Variants in INSL6 observed in about 807,000 individuals in gnomAD.
INSL6 encodes the protein insulin like 6.
Under a neutral mutation model 9.4 loss-of-function variants are expected in INSL6, and 16 were observed. The observed-to-expected ratio is 1.70, with a 90% CI of 1.15 to 2.59. INSL6 has a LOEUF of 2.59. Ranked by LOEUF, INSL6 falls within the 30% of genes most tolerant of loss-of-function variation. The pLI is 0.00. For synonymous variants in INSL6, 154 were observed against 96.9 expected (o/e 1.59, Z -3.46); for missense variants, 391 against 257.3 (o/e 1.52, Z -3.56).
At chr9:5,004,676 C>T in the INSL6 span, among the ~76,000 whole-genome samples, 1 of 151,938 alleles carries the variant, frequency 6.6e-6, no homozygotes, top group Non-Finnish European at 1.5e-5. Flanking sequence ...TATGGTAGTT[C>T]CATTTTAATT....
chr9:5,132,531 G>C (rs1030797976), intron 3 of INSL6, among the ~76,000 whole-genome samples: 2 of 148,906 alleles, frequency 1.3e-5, no homozygotes, highest in Admixed American at 1.3e-4. Context: ...CAGATTCTTA[G>C]TAAAACATTT....
the INSL6 span, among the ~76,000 whole-genome samples, chr9:5,060,277 C>G: frequency 6.6e-6 from 1 of 152,002 alleles, no homozygotes; most frequent in African/African-American, 2.4e-5. Context: ...TTGGGTTGGC[C>G]AAAGCAATTT....
chr9:5,142,825 G>A (rs1049592515), intron 2 of INSL6, among the ~76,000 whole-genome samples: 2 of 152,076 alleles, frequency 1.3e-5, no homozygotes, highest in Non-Finnish European at 2.9e-5. Flanking sequence ...GTATGATATT[G>A]GCTGTGGGCT....
At chr9:5,126,468 A>T in intron 3 of INSL6, 1 of 1,481,144 alleles carries the variant, frequency 6.8e-7, no homozygotes, top group Non-Finnish European at 9.4e-7. Flanking sequence ...TTTTTAATCC[A>T]GGGTAGTCAT....
At chr9:5,166,179 CAG>C (rs758039986) in intron 1 of INSL6, among the ~76,000 whole-genome samples, 131 of 152,246 alleles carry the variant, frequency 8.6e-4, no homozygotes, top group African/African-American at 3.1e-3. Flanking sequence ...AAAAGATTCA[CAG>C]AGAGAGAGGA....
chr9:5,080,297 A>G, the INSL6 span: 4 of 1,613,274 alleles, frequency 2.5e-6, no homozygotes, highest in Non-Finnish European at 3.4e-6. Flanking sequence ...AAATTTGGCA[A>G]CAGACAAATG....
the INSL6 span, chr9:5,111,052 T>G: frequency 9.6e-7 from 1 of 1,036,786 alleles, no homozygotes; most frequent in Non-Finnish European, 1.4e-6. Context: ...ATTCAGAGGT[T>G]CAGGTCTTGA....
the INSL6 span, among the ~76,000 whole-genome samples, chr9:5,065,290 A>T: frequency 2.7e-4 from 41 of 152,156 alleles, no homozygotes; most frequent in Non-Finnish European, 5.3e-4. Context: ...CCTATGTGTG[A>T]TTCACTCCTG....
At chr9:5,135,775 A>G (rs1159824638) in intron 2 of INSL6, among the ~76,000 whole-genome samples, 2 of 152,184 alleles carry the variant, frequency 1.3e-5, no homozygotes, top group Non-Finnish European at 2.9e-5. Flanking sequence ...CTAAGATCAG[A>G]GCAGAACTGA....
chr9:5,097,058 T>C, the INSL6 span: 1 of 152,162 alleles, frequency 6.6e-6, no homozygotes, highest in East Asian at 1.9e-4. Context: ...TATCCCCCTT[T>C]AGCTGAAAAC....
At chr9:5,093,226 G>C in the INSL6 span, among the ~76,000 whole-genome samples, 103 of 152,112 alleles carry the variant, frequency 6.8e-4, no homozygotes, top group Non-Finnish European at 1.1e-3. Context: ...ACACAGGCAT[G>C]CTCTAAGGAA....
the INSL6 span, among the ~76,000 whole-genome samples, chr9:5,086,611 G>A: frequency 6.6e-6 from 1 of 151,798 alleles, no homozygotes; most frequent in East Asian, 1.9e-4. Context: ...AAATTCCTTG[G>A]CTTCTCTACC....
At chr9:5,046,365 T>A in the INSL6 span, among the ~76,000 whole-genome samples, 1 of 152,220 alleles carries the variant, frequency 6.6e-6, no homozygotes, top group Non-Finnish European at 1.5e-5. Context: ...GGTTGCCTTT[T>A]CATTCTGTTG....
chr9:5,164,275 GAGA>G lies in INSL6; in HGVS notation c.290-13_290-11del, dbSNP rs775864384. On this transcript the variant is annotated splice_polypyrimidine_tract_variant and intron_variant, in intron 1 of 1. Transcript: ENST00000381641. The stretch of plus-strand genomic sequence containing the variant: ...TCCCAAGAAGTAGACACTGTTGAGA[GAGA>G]AGAAAATAAATGCTCCTTTATTAAA... The G allele has an allele frequency of 1.3e-6, 2 of 1,546,270 alleles. No homozygotes were observed. The highest frequency in any genetic ancestry group is 1.8e-6 in the Non-Finnish European group (2 of 1,127,762).
intron 2 of INSL6, among the ~76,000 whole-genome samples, chr9:5,138,494 A>C (rs1045314221): frequency 5.3e-5 from 8 of 152,174 alleles, no homozygotes; most frequent in African/African-American, 1.9e-4. Context: ...AGAAAACCAA[A>C]CACCACATGT....
At chr9:5,132,741 T>A (rs560566967) in intron 3 of INSL6, 1 of 152,294 alleles carries the variant, frequency 6.6e-6, no homozygotes, top group East Asian at 1.9e-4. Context: ...GTTCAACATA[T>A]TAAGAATAAA....
At position 5,164,237 on chromosome 9, in the gene INSL6, G is replaced by A. The variant is rs750556982; in HGVS notation, c.318C>T (p.Asn106=). 24 of 1,606,216 alleles carry A rather than the reference G, an allele frequency of 1.5e-5. No homozygotes were observed. Among genetic ancestry groups the A allele is most frequent in the Non-Finnish European group, 1.4e-5 (16 of 1,177,120 alleles). ...CAGGTAGTGACTGCATTTCCCAACTGTTTACTGCTTCTTCCCAAGAAGTAG... is the reference window on the plus strand; with the variant it reads ...CAGGTAGTGACTGCATTTCCCAACTATTTACTGCTTCTTCCCAAGAAGTAG... ...PVSTSWEEAV[N]SWEMQSLPEY... Residue 106 remains asparagine, a synonymous_variant, in exon 2 of 2, where the codon AAC becomes AAT. Coordinates refer to ENST00000381641, the MANE Select transcript of INSL6 (RefSeq NM_007179.3).
chr9:5,147,968 T>C (rs941282733), intron 2 of INSL6, among the ~76,000 whole-genome samples: 1 of 152,218 alleles, frequency 6.6e-6, no homozygotes, highest in African/African-American at 2.4e-5. Flanking sequence ...CTTGGCTTCC[T>C]TGGATTTTCA....
the INSL6 span, among the ~76,000 whole-genome samples, chr9:5,012,100 T>C: frequency 3.9e-5 from 6 of 152,192 alleles, no homozygotes; most frequent in East Asian, 1.2e-3. Flanking sequence ...TTTCCTGAGA[T>C]TTCTGCCCTC....
Sources: allele counts gnomAD v4.1 joint callset (sites outside exome capture counted in the v4.1 genomes callset), GRCh38; gene constraint gnomAD v4.1.1; transcripts MANE v1.5; gene names NCBI Gene and HGNC (gene_info 2026-07-23, HGNC 2026-07-21).